The following CASP5 variants were observed in gnomAD, a reference collection of about 807,000 sequenced individuals.
The protein encoded by CASP5 is caspase 5.
Under a neutral mutation model 45.2 loss-of-function variants are expected in CASP5, and 42 were observed. The observed-to-expected ratio is 0.93, with a 90% CI of 0.73 to 1.20. The LOEUF is 1.20. Among genes scored for constraint, CASP5 ranks in the 50% most tolerant of loss-of-function variants. CASP5 has a pLI of 0.00. For synonymous variants in CASP5, 209 were observed against 186.2 expected, an observed-to-expected ratio of 1.12 and a Z score of -1.00; for missense variants, 512 against 532.2, an observed-to-expected ratio of 0.96 and a Z score of 0.37.
At chr11:105,002,790 G>A (rs544014973) in intron 4 of CASP5, among the ~76,000 whole-genome samples, 2 of 152,264 alleles carry the variant, frequency 1.3e-5, no homozygotes, top group South Asian at 4.2e-4. Context: ...ATTTTATCAT[G>A]GATTGAATGA....
At chr11:105,008,080 A>C (rs1009821674) in intron 2 of CASP5, among the ~76,000 whole-genome samples, 3 of 152,106 alleles carry the variant, frequency 2.0e-5, no homozygotes, top group Non-Finnish European at 2.9e-5. Flanking sequence ...CAAAGTGATA[A>C]ATTTTTTTGC....
intron 1 of CASP5, 183 bp from the exon 2 acceptor site, chr11:105,009,163 G>A (rs757932989): frequency 1.6e-6 from 1 of 617,930 alleles, no homozygotes; most frequent in Non-Finnish European, 2.8e-6. Context: ...ATTCCTACCA[G>A]GCTGTGTTTA....
intron 1 of CASP5, among the ~76,000 whole-genome samples, chr11:105,009,374 C>T (rs1007905714): frequency 3.3e-5 from 5 of 151,756 alleles, no homozygotes; most frequent in Non-Finnish European, 1.5e-5. Flanking sequence ...TACTAGACTG[C>T]AGGATCTTTC....
rs2134689832 is a variant in CASP5 at position 104,997,549 on chromosome 11, A to G, written c.1097-57T>C. The G allele has an allele frequency of 3.5e-6, 4 of 1,152,380 alleles. No homozygotes were observed. In the East Asian group the frequency reaches 7.3e-5, roughly 21 times the overall value. The allele number at this position is 1,152,380 out of a possible 1,614,324, so 71.4% of individuals were successfully genotyped here. A position where few individuals can be genotyped will look rare whatever the true frequency, so the allele number is the denominator to read the frequency against. On this transcript the variant is annotated intron_variant, in intron 7 of 9. Coordinates refer to ENST00000260315, the MANE Select transcript of CASP5 (RefSeq NM_004347.5). Reference sequence around the variant, plus strand: ...TACGACTTTCACTATGTTTTTGTTTATATTTTTGTTTTTGCATAGCTTGAG... The same window carrying G: ...TACGACTTTCACTATGTTTTTGTTTGTATTTTTGTTTTTGCATAGCTTGAG...
At chr11:105,001,799 T>G (rs1337431031) in intron 5 of CASP5, among the ~76,000 whole-genome samples, 1 of 152,168 alleles carries the variant, frequency 6.6e-6, no homozygotes, top group African/African-American at 2.4e-5. Context: ...ATGCCAATCA[T>G]ATTTTGTCTA....
chr11:105,003,820 A>C (rs1315663598), intron 3 of CASP5, among the ~76,000 whole-genome samples: 2 of 151,708 alleles, frequency 1.3e-5, no homozygotes, highest in East Asian at 3.9e-4. Flanking sequence ...TGCAATATTA[A>C]ATTTTCTAAT....
chr11:104,999,524 G>T (rs1861623586), intron 6 of CASP5, among the ~76,000 whole-genome samples: 1 of 152,106 alleles, frequency 6.6e-6, no homozygotes, highest in Admixed American at 6.6e-5. Context: ...CACTTAGCAT[G>T]GCTATCACAA....
intron 3 of CASP5, among the ~76,000 whole-genome samples, chr11:105,004,574 G>C (rs1861911716): frequency 6.6e-6 from 1 of 152,034 alleles, no homozygotes; most frequent in African/African-American, 2.4e-5. Context: ...CCAAGACATA[G>C]GAATCATGAG....
chr11:105,006,150 T>C (rs932439577), intron 3 of CASP5, among the ~76,000 whole-genome samples: 3 of 152,200 alleles, frequency 2.0e-5, no homozygotes, highest in Non-Finnish European at 2.9e-5. Context: ...TAGGCTCTAA[T>C]AATACTGATA....
In CASP5 at chr11:104,997,498, A is replaced by G. The variant is rs1861520842; in HGVS notation, c.1097-6T>C. 4 of 1,583,346 alleles carry G rather than the reference A, an allele frequency of 2.5e-6. No homozygotes were observed. Among genetic ancestry groups the G allele is most frequent in the Non-Finnish European group, 3.5e-6 (4 of 1,153,338 alleles). Reference sequence around the variant, plus strand: ...GTCTCTCCAGGACACGTTATCTATGATGATACAGCCTGGTATGCCTTGGGC... The same window carrying G: ...GTCTCTCCAGGACACGTTATCTATGGTGATACAGCCTGGTATGCCTTGGGC... On this transcript the variant is annotated splice_polypyrimidine_tract_variant and splice_region_variant and intron_variant, in intron 7 of 9. Coordinates refer to ENST00000260315, the MANE Select transcript of CASP5 (RefSeq NM_004347.5).
intron 1 of CASP5, among the ~76,000 whole-genome samples, chr11:105,020,674 A>C (rs1351622736): frequency 6.6e-6 from 1 of 152,046 alleles, no homozygotes; most frequent in Non-Finnish European, 1.5e-5. Context: ...AAACAAATGG[A>C]AGAACATTCC....
chr11:105,009,876 CACATATATATACACATATAT>C (rs1464198037), intron 1 of CASP5, among the ~76,000 whole-genome samples: 3 of 140,010 alleles, frequency 2.1e-5, no homozygotes, highest in Admixed American at 7.3e-5. Context: ...TATATATACA[CACATATATATACACATATAT>C]ACATATATAT....
chr11:105,010,479 TC>T (rs1327983704), intron 1 of CASP5, among the ~76,000 whole-genome samples: 1 of 124,390 alleles, frequency 8.0e-6, no homozygotes, highest in Non-Finnish European at 1.8e-5. Flanking sequence ...TCAGTAATTA[TC>T]ATTATACTGA....
chr11:105,011,613 C>CA (rs1862348804), intron 1 of CASP5, among the ~76,000 whole-genome samples: 2 of 151,324 alleles, frequency 1.3e-5, no homozygotes, highest in South Asian at 4.2e-4. Context: ...TTGAAGGATA[C>CA]AAAAACAACA....
chr11:105,019,835 C>T lies in CASP5; in HGVS notation c.7+3295G>A, dbSNP rs1213934100. Among the ~76,000 whole-genome samples, 19 of 144,884 alleles carry T rather than the reference C, an allele frequency of 1.3e-4. No homozygotes were observed. The East Asian group carries it at 2.1e-3, about 16-fold the overall frequency. The stretch of plus-strand genomic sequence containing the variant: ...GCCAGCATCATCCTGATACCAAAGC[C>T]GGGCAGAGACACAACCAAAAAAGAG... On this transcript the variant is annotated intron_variant, in intron 1 of 9. Coordinates refer to ENST00000260315, the MANE Select transcript of CASP5 (RefSeq NM_004347.5).
At chr11:104,999,582 A>G (rs76472369) in intron 6 of CASP5, among the ~76,000 whole-genome samples, 4,876 of 152,242 alleles carry the variant, frequency 0.032, 225 homozygotes, top group African/African-American at 0.1. Flanking sequence ...AATTTCATAC[A>G]TACATACAGA....
chr11:105,015,546 C>G (rs1316403730), intron 1 of CASP5, among the ~76,000 whole-genome samples: 1 of 152,022 alleles, frequency 6.6e-6, no homozygotes, highest in African/African-American at 2.4e-5. Flanking sequence ...TAACAAAGAC[C>G]AACTACACAT....
At chr11:105,002,953 T>G (rs1861815205) in intron 4 of CASP5, among the ~76,000 whole-genome samples, 1 of 152,094 alleles carries the variant, frequency 6.6e-6, no homozygotes, top group Non-Finnish European at 1.5e-5. Context: ...ATCCCAGTGC[T>G]TTGGGAGGCC....
At chr11:105,003,452 TGA>T (rs3831481) in intron 3 of CASP5, 69 bp from the exon 4 acceptor site, 2,159 of 715,644 alleles carry the variant, frequency 3.0e-3, no homozygotes, top group South Asian at 5.0e-3. Flanking sequence ...CTAAGAACTT[TGA>T]GAGAGAGAGA....
Sources: allele counts gnomAD v4.1 joint callset (sites outside exome capture counted in the v4.1 genomes callset), GRCh38; gene constraint gnomAD v4.1.1; transcripts MANE v1.5; gene names NCBI Gene and HGNC (gene_info 2026-07-23, HGNC 2026-07-21).